Variants in NFIB observed in about 807,000 individuals in gnomAD.
NFIB encodes the protein nuclear factor 1 B-type.
NFIB carries 11 observed loss-of-function variants against 61.5 expected under a neutral mutation model. That is an observed-to-expected ratio of 0.18 (90% CI 0.11 to 0.30). The LOEUF (loss-of-function observed/expected upper bound fraction) is 0.30. Ranked by LOEUF, NFIB falls within the 10% of genes least tolerant of loss-of-function variation. The pLI is 1.00. For missense variants in NFIB, 471 were observed against 608.9 expected (o/e 0.77, Z 2.38); for synonymous variants, 260 against 216.5 (o/e 1.20, Z -1.76).
Position 14,277,344 on chromosome 9 carries a change from GACAC to G in NFIB, c.562+29641_562+29644del, listed in dbSNP as rs33999296. On this transcript the variant is annotated intron_variant, in intron 2 of 10. Transcript: ENST00000380953. ...GCGCACACACGTGCACGCACACACA[GACAC>G]ACACACACACACACACACACATTTT... 1.3e-3 allele frequency among the ~76,000 whole-genome samples: 196 copies of G among 149,352 alleles called. 1 individual carries two copies. Among genetic ancestry groups the G allele is most frequent in the South Asian group, 3.8e-3 (18 of 4,714 alleles).
At chr9:14,365,905 C>A (rs958382690) in intron 1 of NFIB, among the ~76,000 whole-genome samples, 8 of 152,156 alleles carry the variant, frequency 5.3e-5, no homozygotes, top group African/African-American at 1.4e-4. Context: ...CCAGGAACTC[C>A]TTCCATGCCA....
intron 1 of NFIB, among the ~76,000 whole-genome samples, chr9:14,350,960 G>C (rs1015618806): frequency 1.3e-5 from 2 of 152,168 alleles, no homozygotes; most frequent in African/African-American, 4.8e-5. Flanking sequence ...CTACCCACTA[G>C]ACTACCTGCC....
At chr9:14,291,213 G>C (rs535897635) in intron 2 of NFIB, among the ~76,000 whole-genome samples, 5 of 152,186 alleles carry the variant, frequency 3.3e-5, no homozygotes, top group African/African-American at 1.2e-4. Context: ...GCCAGGCAAG[G>C]TGGCTCACGC....
chr9:14,485,528 G>A, the NFIB span, among the ~76,000 whole-genome samples: 1 of 152,168 alleles, frequency 6.6e-6, no homozygotes, highest in African/African-American at 2.4e-5. Flanking sequence ...AACATTATGA[G>A]TCTACTAAAT....
intron 1 of NFIB, among the ~76,000 whole-genome samples, chr9:14,325,331 C>A (rs1477449598): frequency 2.0e-5 from 3 of 152,058 alleles, no homozygotes; most frequent in Non-Finnish European, 4.4e-5. Context: ...ATAGAACTTA[C>A]CAGAAGCTTC....
the NFIB span, among the ~76,000 whole-genome samples, chr9:14,430,638 G>A: frequency 5.3e-5 from 8 of 152,164 alleles, no homozygotes; most frequent in Non-Finnish European, 7.3e-5. Flanking sequence ...CTGGAGTGCA[G>A]TGGCACGATC....
chr9:14,158,875 T>A (rs1238610733), intron 3 of NFIB, among the ~76,000 whole-genome samples: 1 of 152,226 alleles, frequency 6.6e-6, no homozygotes, highest in Non-Finnish European at 1.5e-5. Context: ...ACTGGAAGTG[T>A]TTAAATAGTA....
At chr9:14,427,948 T>TGTTTTTTTG in the NFIB span, among the ~76,000 whole-genome samples, 103 of 104,030 alleles carry the variant, frequency 9.9e-4, 1 homozygote, top group African/African-American at 3.5e-3. Flanking sequence ...TTTTTTTTTT[T>TGTTTTTTTG]TTTTTTTTTT....
the NFIB span, among the ~76,000 whole-genome samples, chr9:14,442,641 C>G: frequency 1.3e-5 from 2 of 152,102 alleles, no homozygotes; most frequent in African/African-American, 4.8e-5. Context: ...TGGCATCACT[C>G]TAATCTCTGT....
At chr9:14,437,152 A>G in the NFIB span, among the ~76,000 whole-genome samples, 1 of 152,208 alleles carries the variant, frequency 6.6e-6, no homozygotes, top group African/African-American at 2.4e-5. Context: ...ATTGGGCTAG[A>G]TGAGCTTTCA....
intron 1 of NFIB, among the ~76,000 whole-genome samples, chr9:14,310,045 C>T (rs1283248470): frequency 6.6e-6 from 1 of 152,164 alleles, no homozygotes; most frequent in African/African-American, 2.4e-5. Flanking sequence ...ATAAAGACAT[C>T]AAACACAGTT....
chr9:14,235,713 T>C lies in NFIB; in HGVS notation c.563-55933A>G, dbSNP rs1169525663. ...TAGGTGCTAAATCACCTTCAAAGAA[T>C]GAACAACCTTTTGTTTTGAGGCTCG... On this transcript the variant is annotated intron_variant, in intron 2 of 10. Transcript: ENST00000380953. Among the ~76,000 whole-genome samples the C allele has an allele frequency of 3.9e-5, 6 of 152,322 alleles. No individual in the cohort carries two copies. The South Asian group carries it at 1.2e-3, about 32-fold the overall frequency.
chr9:14,520,531 C>G, the NFIB span, among the ~76,000 whole-genome samples: 1 of 152,196 alleles, frequency 6.6e-6, no homozygotes, highest in Non-Finnish European at 1.5e-5. Flanking sequence ...AGATCACATT[C>G]TGCAAAACAG....
chr9:14,443,518 T>A, the NFIB span, among the ~76,000 whole-genome samples: 1 of 152,306 alleles, frequency 6.6e-6, no homozygotes, highest in African/African-American at 2.4e-5. Flanking sequence ...ATGAGCCAGA[T>A]GAAAACTGCG....
intron 10 of NFIB, chr9:14,096,367 T>G (rs549443737): frequency 6.6e-6 from 1 of 152,016 alleles, no homozygotes; most frequent in Non-Finnish European, 1.5e-5. Context: ...GAACAAAGAG[T>G]GCTCTGAACA....
rs1470920951 is a variant in NFIB at position 14,307,220 on chromosome 9, G to C, written c.331C>G (p.Gln111Glu). 6.2e-7 allele frequency: 1 copy of C among 1,613,978 alleles called. No individual in the cohort carries two copies. Among genetic ancestry groups the C allele is most frequent in the Non-Finnish European group, 8.5e-7 (1 of 1,180,016 alleles). ...HPCCVLSNPD[Q>E]KGKIRRIDCL... is the part of the protein sequence containing the mutation. The stretch of plus-strand genomic sequence containing the variant: ...TCGATTCTCCTAATCTTACCCTTCT[G>C]GTCGGGATTGGATAAGACACAGCAC... Residue 111 changes from glutamine (Q) to glutamate (E), a missense_variant, in exon 2 of 11, where the codon CAG becomes GAG. Physicochemically the swap from Gln to Glu is conservative, Grantham distance 29. Coordinates refer to ENST00000380953, the MANE Select transcript of NFIB (RefSeq NM_001190737.2). This position sits in a 1 kb window ranked among gnomAD's most constrained non-coding sequence, Gnocchi z 5.3.
chr9:14,157,203 A>G (rs1489351934), intron 3 of NFIB, among the ~76,000 whole-genome samples: 5 of 152,224 alleles, frequency 3.3e-5, no homozygotes, highest in Non-Finnish European at 5.9e-5. Flanking sequence ...GGAACCTGCG[A>G]TCAGCTATAT....
At chr9:14,391,605 A>C (rs2061623469) in intron 1 of NFIB, among the ~76,000 whole-genome samples, 1 of 152,130 alleles carries the variant, frequency 6.6e-6, no homozygotes, top group Non-Finnish European at 1.5e-5. Context: ...CTGGTAAGGG[A>C]AAAATGCCTC....
the NFIB span, among the ~76,000 whole-genome samples, chr9:14,416,999 T>C: frequency 6.6e-6 from 1 of 151,548 alleles, no homozygotes; most frequent in East Asian, 1.9e-4. Context: ...TTCAAGCGAT[T>C]CTCCTGCCTC....
Sources: allele counts gnomAD v4.1 joint callset (sites outside exome capture counted in the v4.1 genomes callset), GRCh38; gene constraint gnomAD v4.1.1; non-coding constraint Gnocchi (gnomAD v3.1); transcripts MANE v1.5; gene names NCBI Gene and HGNC (gene_info 2026-07-23, HGNC 2026-07-21).